The following RABGAP1L variants were observed in gnomAD, a reference collection of about 807,000 sequenced individuals.
The protein encoded by RABGAP1L is RAB GTPase activating protein 1 like, also known as rab GTPase-activating protein 1-like.
Under a neutral mutation model 137.7 loss-of-function variants are expected in RABGAP1L, and 63 were observed. The ratio of observed to expected loss-of-function variants is 0.46; its 90% CI spans 0.37 to 0.56. The LOEUF (loss-of-function observed/expected upper bound fraction) is 0.56. Among genes scored for constraint, RABGAP1L ranks in the 20% least tolerant of loss-of-function variants. The pLI is 0.00. For missense variants in RABGAP1L, 1,095 were observed against 1,244.0 expected, an observed-to-expected ratio of 0.88 and a Z score of 1.80; for synonymous variants, 431 against 433.7, an observed-to-expected ratio of 0.99 and a Z score of 0.08.
At chr1:174,173,366 G>A (rs1048182001) in intron 1 of RABGAP1L, among the ~76,000 whole-genome samples, 2 of 152,072 alleles carry the variant, frequency 1.3e-5, no homozygotes, top group African/African-American at 4.8e-5. Flanking sequence ...CCAACCTCAG[G>A]TAATCTGCCC....
Position 174,448,093 on chromosome 1 carries a change from G to A in RABGAP1L, c.1710+53948G>A, listed in dbSNP as rs7516240. Reference sequence around the variant, plus strand: ...GCTTGCTGTAGCCAAGTCTGCAGGTGTCTTTAAATTTCCAAGCCATGAATG... The same window carrying A: ...GCTTGCTGTAGCCAAGTCTGCAGGTATCTTTAAATTTCCAAGCCATGAATG... On this transcript the variant is annotated intron_variant, in intron 13 of 25. Transcript: ENST00000681986. This position sits in a 1 kb window ranked among gnomAD's most constrained non-coding sequence, Gnocchi z 4.2. 0.96 allele frequency: 1,537,654 copies of A among 1,595,936 alleles called. 740,967 individuals carry two copies. Among genetic ancestry groups the A allele is most frequent in the East Asian group, 1 (44,741 of 44,742 alleles).
At chr1:174,690,055 A>G (rs527734584) in intron 15 of RABGAP1L, among the ~76,000 whole-genome samples, 2 of 152,306 alleles carry the variant, frequency 1.3e-5, no homozygotes, top group Non-Finnish European at 1.5e-5. Flanking sequence ...CCATTTTCCA[A>G]CATCTCCCTG....
chr1:174,584,338 C>T lies in RABGAP1L; in HGVS notation c.1711-53037C>T, dbSNP rs140212505. Among the ~76,000 whole-genome samples the T allele has an allele frequency of 3.8e-3, 571 of 152,250 alleles. 5 individuals are homozygous for T. Among genetic ancestry groups the T allele is most frequent in the African/African-American group, 0.012 (491 of 41,558 alleles). On this transcript the variant is annotated intron_variant, in intron 13 of 25. Coordinates refer to ENST00000681986, the MANE Select transcript of RABGAP1L (RefSeq NM_001366446.1). ...TCTATAAAGAATGTTTAAGACCATGCCCCTGTTTGTGCTTTTTACTGGTGT... is the reference window on the plus strand; with the variant it reads ...TCTATAAAGAATGTTTAAGACCATGTCCCTGTTTGTGCTTTTTACTGGTGT...
At chr1:174,233,208 T>A (rs1670835113) in intron 4 of RABGAP1L, among the ~76,000 whole-genome samples, 1 of 152,104 alleles carries the variant, frequency 6.6e-6, no homozygotes. Flanking sequence ...TCTTCATTCA[T>A]CAAAAGAAGA....
intron 12 of RABGAP1L, among the ~76,000 whole-genome samples, chr1:174,383,902 G>T (rs776973425): frequency 6.6e-6 from 1 of 152,100 alleles, no homozygotes; most frequent in Non-Finnish European, 1.5e-5. Context: ...TAAAATTGAA[G>T]ACCCTTCTTA....
chr1:174,811,057 G>A (rs971229445), intron 18 of RABGAP1L, among the ~76,000 whole-genome samples: 5 of 152,108 alleles, frequency 3.3e-5, no homozygotes, highest in African/African-American at 9.7e-5. Context: ...AGCCATGATT[G>A]CACTATGCAC....
chr1:174,666,947 A>G (rs1203420907), intron 14 of RABGAP1L, among the ~76,000 whole-genome samples: 1 of 151,608 alleles, frequency 6.6e-6, no homozygotes, highest in Non-Finnish European at 1.5e-5. Flanking sequence ...ATTTATTTTC[A>G]ATGTTAGCAT....
At chr1:174,547,013 GA>G (rs1424647547) in intron 13 of RABGAP1L, among the ~76,000 whole-genome samples, 2 of 111,740 alleles carry the variant, frequency 1.8e-5, no homozygotes, top group African/African-American at 7.3e-5. Context: ...CTGGGCGAAA[GA>G]GCGAGACTCT....
At chr1:174,748,351 C>T (rs1167148583) in intron 17 of RABGAP1L, among the ~76,000 whole-genome samples, 1 of 152,172 alleles carries the variant, frequency 6.6e-6, no homozygotes, top group Admixed American at 6.5e-5. Flanking sequence ...ATTATACCAG[C>T]ACTGTGTGAG....
chr1:174,527,203 TG>T (rs1195753920), intron 13 of RABGAP1L, among the ~76,000 whole-genome samples: 2,992 of 136,792 alleles, frequency 0.022, 105 homozygotes, highest in African/African-American at 0.087. Context: ...ATTTTTATTT[TG>T]TTTTTTTTTT....
chr1:174,539,249 T>A (rs1449483275), intron 13 of RABGAP1L, among the ~76,000 whole-genome samples: 1 of 152,002 alleles, frequency 6.6e-6, no homozygotes, highest in East Asian at 1.9e-4. Flanking sequence ...AAACCGGGGT[T>A]TTATTTTTGA....
At chr1:174,780,961 G>A (rs1469506350) in intron 18 of RABGAP1L, among the ~76,000 whole-genome samples, 14 of 152,014 alleles carry the variant, frequency 9.2e-5, no homozygotes, top group Non-Finnish European at 2.1e-4. Context: ...TCTTAATGCA[G>A]TCTATCATTG....
intron 18 of RABGAP1L, among the ~76,000 whole-genome samples, chr1:174,797,474 G>A (rs998622034): frequency 6.7e-6 from 1 of 149,772 alleles, no homozygotes; most frequent in African/African-American, 2.5e-5. Flanking sequence ...AATGTGCGTG[G>A]TGTTGGGGGG....
At chr1:174,713,357 T>A (rs542850590) in intron 17 of RABGAP1L, among the ~76,000 whole-genome samples, 2 of 152,342 alleles carry the variant, frequency 1.3e-5, no homozygotes, top group Non-Finnish European at 2.9e-5. Flanking sequence ...TGCAGTCTGA[T>A]ATGGTTTTGA....
At chr1:174,489,622 G>A (rs12067031) in intron 13 of RABGAP1L, among the ~76,000 whole-genome samples, 63 of 152,164 alleles carry the variant, frequency 4.1e-4, no homozygotes, top group African/African-American at 1.4e-3. Flanking sequence ...ACAGTGTGGC[G>A]ATTCCTCAAG....
intron 12 of RABGAP1L, among the ~76,000 whole-genome samples, chr1:174,392,731 T>C (rs981588380): frequency 2.6e-5 from 4 of 152,096 alleles, no homozygotes; most frequent in Admixed American, 2.0e-4. Context: ...GAGCTAGAGG[T>C]AGAAGAGTGT....
At chr1:174,224,177 A>G (rs1225834479) in intron 3 of RABGAP1L, among the ~76,000 whole-genome samples, 1 of 152,222 alleles carries the variant, frequency 6.6e-6, no homozygotes, top group African/African-American at 2.4e-5. Flanking sequence ...ATATCATTAT[A>G]GAAAAATTTA....
intron 19 of RABGAP1L, among the ~76,000 whole-genome samples, chr1:174,873,450 A>T (rs1470296244): frequency 1.3e-5 from 2 of 151,704 alleles, no homozygotes; most frequent in African/African-American, 4.8e-5. Context: ...AGAATATTCA[A>T]CAAGTAGAAT....
chr1:174,215,195 G>A (rs1049346534), intron 1 of RABGAP1L, among the ~76,000 whole-genome samples: 3 of 152,102 alleles, frequency 2.0e-5, no homozygotes, highest in Non-Finnish European at 4.4e-5. Context: ...AGTGGCTCAC[G>A]CCTGTAATCC....
Sources: allele counts gnomAD v4.1 joint callset (sites outside exome capture counted in the v4.1 genomes callset), GRCh38; gene constraint gnomAD v4.1.1; non-coding constraint Gnocchi (gnomAD v3.1); transcripts MANE v1.5; gene names NCBI Gene and HGNC (gene_info 2026-07-23, HGNC 2026-07-21).